The following RBFOX1 variants were observed in gnomAD, a reference collection of about 807,000 sequenced individuals.
RBFOX1 encodes RNA binding fox-1 homolog 1, also known as RNA binding protein fox-1 homolog 1.
In RBFOX1, 8 loss-of-function variants were observed where a neutral mutation model predicts 57.7. The ratio of observed to expected loss-of-function variants is 0.14; its 90% CI spans 0.08 to 0.25. RBFOX1 has a LOEUF of 0.25. Ranked by LOEUF, RBFOX1 falls within the 10% of genes least tolerant of loss-of-function variation. The probability of loss-of-function intolerance (pLI) is 1.00; values close to 1 mark genes in which losing one functional copy is unlikely to be tolerated. For missense variants in RBFOX1, 611 were observed against 548.5 expected (o/e 1.11, Z -1.14); for synonymous variants, 326 against 222.4 (o/e 1.47, Z -4.15).
chr16:5,814,809 G>C (rs1249509662), intron 3 of RBFOX1, among the ~76,000 whole-genome samples: 1 of 152,092 alleles, frequency 6.6e-6, no homozygotes, highest in African/African-American at 2.4e-5. Context: ...GGCGCCTGTA[G>C]TCCCAGCTAC....
chr16:6,451,920 C>T (rs1020206384), intron 2 of RBFOX1, among the ~76,000 whole-genome samples: 12 of 151,206 alleles, frequency 7.9e-5, no homozygotes, highest in Admixed American at 2.6e-4. Context: ...ATCCATGGCC[C>T]CTTCCTTCCA....
chr16:6,729,354 T>TTCAG (rs2067984844), intron 3 of RBFOX1, among the ~76,000 whole-genome samples: 1 of 152,292 alleles, frequency 6.6e-6, no homozygotes, highest in African/African-American at 2.4e-5. Context: ...GTAAATCTAA[T>TTCAG]TCAGTCATTC....
chr16:5,823,174 G>T (rs1409677256), intron 3 of RBFOX1, among the ~76,000 whole-genome samples: 1 of 152,188 alleles, frequency 6.6e-6, no homozygotes, highest in Non-Finnish European at 1.5e-5. Flanking sequence ...TGGGCACATA[G>T]AGGGCAGTCG....
At chr16:6,394,901 AT>A (rs1224544455) in intron 2 of RBFOX1, among the ~76,000 whole-genome samples, 1 of 152,200 alleles carries the variant, frequency 6.6e-6, no homozygotes, top group East Asian at 1.9e-4. Context: ...AACTAGCACT[AT>A]TAAGCGTGTT....
intron 5 of RBFOX1, 125 bp downstream of exon 5, chr16:7,518,514 C>G: frequency 7.8e-7 from 1 of 1,275,952 alleles, no homozygotes; most frequent in South Asian, 1.8e-5. Flanking sequence ...CCTAAGCCCA[C>G]CCTCATCATA....
rs77652197 is a variant in RBFOX1 at position 6,994,907 on chromosome 16, A to G, written c.-15-57150A>G. ...AAATTAACTTGGATATCTCTATCAG[A>G]ACATATCCCTGATTGGGCATGTGAT... On this transcript the variant is annotated intron_variant, in intron 3 of 15. Coordinates refer to ENST00000550418, the MANE Select transcript of RBFOX1 (RefSeq NM_018723.4). Among the ~76,000 whole-genome samples the G allele has an allele frequency of 1.2e-3, 187 of 152,108 alleles. 1 individual carries two copies. The highest frequency in any genetic ancestry group is 4.3e-3 in the African/African-American group (178 of 41,456).
chr16:6,957,067 G>A (rs955316701), intron 3 of RBFOX1, among the ~76,000 whole-genome samples: 1 of 139,572 alleles, frequency 7.2e-6, no homozygotes, highest in African/African-American at 3.3e-5. Flanking sequence ...CCCAAGGGCT[G>A]CTGGTTGCCC....
rs574487790 is a variant in RBFOX1 at position 7,157,554 on chromosome 16, A to G, written c.27+105456A>G. Among the ~76,000 whole-genome samples the G allele has an allele frequency of 9.5e-4, 144 of 152,264 alleles. 1 individual carries two copies. The highest frequency in any genetic ancestry group is 1.2e-3 in the South Asian group (6 of 4,820). The stretch of plus-strand genomic sequence containing the variant: ...GTGAACACCAACCATGGGGCTTTGC[A>G]TAGCTTAAGTCCAGGCACGTGAAAA... On this transcript the variant is annotated intron_variant, in intron 4 of 15. Coordinates refer to ENST00000550418, the MANE Select transcript of RBFOX1 (RefSeq NM_018723.4).
intron 5 of RBFOX1, among the ~76,000 whole-genome samples, chr16:7,574,939 C>T (rs777273984): frequency 5.9e-5 from 9 of 151,516 alleles, no homozygotes; most frequent in Admixed American, 4.6e-4. Flanking sequence ...ATAACAGCTG[C>T]TTGTTTGTAC....
At chr16:7,568,384 T>A (rs1403349719) in intron 5 of RBFOX1, among the ~76,000 whole-genome samples, 1 of 152,150 alleles carries the variant, frequency 6.6e-6, no homozygotes, top group African/African-American at 2.4e-5. Context: ...GCCATGGCAT[T>A]TGGAAACTGT....
At chr16:7,414,876 C>T (rs1244948704) in intron 4 of RBFOX1, among the ~76,000 whole-genome samples, 5 of 152,204 alleles carry the variant, frequency 3.3e-5, no homozygotes, top group Non-Finnish European at 7.4e-5. Context: ...CTTCAGCCTT[C>T]TAAAATGCTG....
intron 3 of RBFOX1, among the ~76,000 whole-genome samples, chr16:6,979,414 A>T (rs927804089): frequency 6.6e-6 from 1 of 152,196 alleles, no homozygotes; most frequent in Non-Finnish European, 1.5e-5. Context: ...ACTAAATTAA[A>T]GTTGAAGAAA....
chr16:5,585,081 G>A (rs181169836), intron 2 of RBFOX1, among the ~76,000 whole-genome samples: 65 of 152,144 alleles, frequency 4.3e-4, no homozygotes, highest in Middle Eastern at 3.4e-3. Context: ...CTTTCACAGT[G>A]TTGTACAGCC....
At chr16:6,576,771 A>C (rs2097444693) in intron 2 of RBFOX1, 1 of 152,226 alleles carries the variant, frequency 6.6e-6, no homozygotes, top group African/African-American at 2.4e-5. Flanking sequence ...GATAAAAGGA[A>C]GTTCCCACAA....
chr16:5,836,891 C>T (rs934244377), intron 3 of RBFOX1, among the ~76,000 whole-genome samples: 12 of 152,198 alleles, frequency 7.9e-5, no homozygotes, highest in Non-Finnish European at 1.2e-4. Context: ...TAGCTCCTTA[C>T]TTGTCTTCTG....
chr16:6,333,832 A>G (rs1359341272), intron 2 of RBFOX1, among the ~76,000 whole-genome samples: 1 of 152,234 alleles, frequency 6.6e-6, no homozygotes, highest in Non-Finnish European at 1.5e-5. Flanking sequence ...AGTTAATAAT[A>G]AAGTGATTTT....
At chr16:6,511,455 A>G (rs1335373593) in intron 2 of RBFOX1, among the ~76,000 whole-genome samples, 1 of 152,202 alleles carries the variant, frequency 6.6e-6, no homozygotes, top group Non-Finnish European at 1.5e-5. Context: ...CCCTGGACTG[A>G]CATGGGAGAA....
At chr16:7,445,584 C>G (rs1448657279) in intron 4 of RBFOX1, among the ~76,000 whole-genome samples, 2 of 152,092 alleles carry the variant, frequency 1.3e-5, no homozygotes, top group African/African-American at 2.4e-5. Flanking sequence ...TGTCCCCTGC[C>G]CAGAAAACTC....
At chr16:5,941,799 A>G (rs1473339842) in intron 4 of RBFOX1, among the ~76,000 whole-genome samples, 1 of 151,962 alleles carries the variant, frequency 6.6e-6, no homozygotes, top group East Asian at 1.9e-4. Context: ...ACTGGGTCTC[A>G]AGTATGTCTT....
Sources: gnomAD v4.1 joint callset for allele counts (sites outside exome capture counted in the v4.1 genomes callset) on GRCh38, gnomAD v4.1.1 for gene constraint, MANE v1.5 for transcripts, NCBI Gene and HGNC (gene_info 2026-07-23, HGNC 2026-07-21) for gene names.